Variants in JAK3 observed in about 807,000 individuals in gnomAD.
JAK3 encodes the protein tyrosine-protein kinase JAK3.
In JAK3, 88 loss-of-function variants were observed where a neutral mutation model predicts 120.8. That is an observed-to-expected ratio of 0.73 (90% CI 0.61 to 0.87). The LOEUF (loss-of-function observed/expected upper bound fraction) is 0.87. Ranked by LOEUF, JAK3 falls within the 40% of genes least tolerant of loss-of-function variation. The pLI is 0.00. For synonymous variants in JAK3, 592 were observed against 628.6 expected, an observed-to-expected ratio of 0.94 and a Z score of 0.87; for missense variants, 1,254 against 1,501.4, an observed-to-expected ratio of 0.84 and a Z score of 2.72.
chr19:17,844,342 G>A lies in JAK3; in HGVS notation c.76C>T (p.Leu26=), dbSNP rs750765633. 5 of 1,611,708 alleles carry A rather than the reference G, an allele frequency of 3.1e-6. No individual in the cohort carries two copies. The East Asian group carries it at 1.1e-4, about 36-fold the overall frequency. ...CCCCGAGCGGGCAGCAGCACATGCA[G>A]GGCACCAGCCTCCGTGGACAAGAGG... ...CSLLSTEAGA[L]HVLLPARGPG... The change falls in exon 2 of 24, where the codon CTG becomes TTG. Residue 26 remains leucine (L), a synonymous_variant. Transcript: ENST00000458235.
At chr19:17,827,160 G>A (rs1037495212) in intron 23 of JAK3, among the ~76,000 whole-genome samples, 2 of 151,764 alleles carry the variant, frequency 1.3e-5, no homozygotes, top group African/African-American at 4.8e-5. Context: ...TGTATTTTGA[G>A]TAGAGACAGG....
chr19:17,837,314 C>A, intron 12 of JAK3, 101 bp from the exon 13 acceptor site: 1 of 877,504 alleles, frequency 1.1e-6, no homozygotes, highest in Non-Finnish European at 1.9e-6. Context: ...CACCTGGCCA[C>A]AGGTCACCTT....
Position 17,842,580 on chromosome 19 carries a change from G to A in JAK3, c.597C>T (p.Arg199=), listed in dbSNP as rs2094242550. ...CGAAGCTCAGGCCCTGGATCAGGTC[G>A]CGCAGGCTTGGGGGTAGGCAGGCCT... is the stretch of plus-strand genomic sequence containing the variant. ...SYKACLPPSL[R]DLIQGLSFVT... is the part of the protein sequence containing the mutation. The change falls in exon 6 of 24, where the codon CGC becomes CGT. Residue 199 remains arginine, a synonymous_variant. Coordinates refer to ENST00000458235, the MANE Select transcript of JAK3 (RefSeq NM_000215.4). The surrounding 1 kb of genome is among the most constrained non-coding windows in gnomAD (Gnocchi z 6.4). 3 of 1,585,862 alleles carry A rather than the reference G, an allele frequency of 1.9e-6. No individual in the cohort carries two copies. The highest frequency in any genetic ancestry group is 1.8e-5 in the Admixed American group (1 of 55,986).
At position 17,831,541 on chromosome 19, in the gene JAK3, C is replaced by A; in HGVS notation, c.2805+133G>T. 1 of 1,500,588 alleles carries A rather than the reference C, an allele frequency of 6.7e-7. No homozygotes were observed. 93.0% of individuals were successfully genotyped at this position (1,500,588 alleles called of 1,614,324 possible). On this transcript the variant is annotated intron_variant, in intron 20 of 23. Transcript: ENST00000458235. This position sits in a 1 kb window ranked among gnomAD's most constrained non-coding sequence, Gnocchi z 5.1. ...CCTCCACTGAAGTTCTGATCCTGAGCCCTAAGCCAACCCCACCACTCCCGA... is the reference window on the plus strand; with the variant it reads ...CCTCCACTGAAGTTCTGATCCTGAGACCTAAGCCAACCCCACCACTCCCGA...
Position 17,837,197 on chromosome 19 carries a change from G to T in JAK3, c.1718C>A (p.Ala573Glu). 1 of 1,569,552 alleles carries T rather than the reference G, an allele frequency of 6.4e-7. No homozygotes were observed. Among genetic ancestry groups the T allele is most frequent in the Non-Finnish European group, 8.6e-7 (1 of 1,156,732 alleles). The change falls in exon 13 of 24, where the codon GCG becomes GAG. Residue 573 changes from alanine to glutamate, a missense_variant. This residue lies in a region of JAK3 where 630 missense variants were observed against 819.8 expected (regional missense o/e 0.77). Transcript: ENST00000458235. ...GTACGACACTTGGCTCATCAAGCTC[G>T]CTGCTTCCAGGAATGACTGGGGAAG... ...KNCMESFLEA[A>E]SLMSQVSYRH...
intron 17 of JAK3, among the ~76,000 whole-genome samples, chr19:17,834,292 T>G (rs1475513778): frequency 6.6e-6 from 1 of 151,914 alleles, no homozygotes. Context: ...GAGGTAGAGG[T>G]TGCAGTGAGC....
rs769418887 is a variant in JAK3 at position 17,840,202 on chromosome 19, C to T, written c.1254+28G>A. The T allele has an allele frequency of 2.0e-6, 3 of 1,501,276 alleles. No homozygotes were observed. The South Asian group carries it at 3.4e-5, about 17-fold the overall frequency. 93.0% of individuals were successfully genotyped at this position (1,501,276 alleles called of 1,614,324 possible). A position where few individuals can be genotyped will look rare whatever the true frequency, so the allele number is the denominator to read the frequency against. On this transcript the variant is annotated intron_variant, in intron 9 of 23. Transcript: ENST00000458235. ...AACGTCACCTCCTCCAGGCAGCCCTCCACTACCCACCCTAGCAGTAGACCG... is the reference window on the plus strand; with the variant it reads ...AACGTCACCTCCTCCAGGCAGCCCTTCACTACCCACCCTAGCAGTAGACCG...
At position 17,834,583 on chromosome 19, in the gene JAK3, G is replaced by A. The variant is rs2147681325; in HGVS notation, c.2338C>T (p.Leu780Phe). 2.5e-6 allele frequency: 4 copies of A among 1,612,092 alleles called. No individual in the cohort carries two copies. Among genetic ancestry groups the A allele is most frequent in the Non-Finnish European group, 3.4e-6 (4 of 1,178,618 alleles). The change falls in exon 17 of 24, where the codon CTC becomes TTC. Residue 780 changes from leucine to phenylalanine, a missense_variant. Coordinates refer to ENST00000458235, the MANE Select transcript of JAK3 (RefSeq NM_000215.4). ...FRAVIRDLNSLISSDYELLSD... is the reference protein window; with the variant it reads ...FRAVIRDLNSFISSDYELLSD... Reference sequence around the variant, plus strand: ...TCCCAGCGGGCACCTGAAGAGATGAGGCTATTGAGGTCACGAATGACGGCT... The same window carrying A: ...TCCCAGCGGGCACCTGAAGAGATGAAGCTATTGAGGTCACGAATGACGGCT...
In JAK3 at chr19:17,830,551, G is replaced by A. The variant is rs949721349; in HGVS notation, c.3048C>T (p.Val1016=). 4 of 1,613,694 alleles carry A rather than the reference G, an allele frequency of 2.5e-6. No individual in the cohort carries two copies. In the African/African-American group the frequency reaches 5.3e-5, roughly 22 times the overall value. ...CGCAGTAGGTGAAGAGCTCGTACAG[G>A]ACGACCCCGAAGCTCCAGACGTCTG... ...RQSDVWSFGV[V]LYELFTYCDK... is the part of the protein sequence containing the mutation. Residue 1016 remains valine, a synonymous_variant, in exon 22 of 24, where the codon GTC becomes GTT. Transcript: ENST00000458235.
chr19:17,831,196 A>G lies in JAK3; in HGVS notation c.2978+32T>C, dbSNP rs3212774. On this transcript the variant is annotated intron_variant, in intron 21 of 23. Transcript: ENST00000458235. The surrounding 1 kb of genome is among the most constrained non-coding windows in gnomAD (Gnocchi z 5.1). ...GGGGGCGGAGCCAGAGCCGTGGGGA[A>G]TAGGGGCGGAGCCTAGGCGCGGGTT... The G allele has an allele frequency of 0.34, 539,992 of 1,597,490 alleles. 93,413 individuals are homozygous for G. Among genetic ancestry groups the G allele is most frequent in the Admixed American group, 0.48 (28,304 of 59,150 alleles).
intron 23 of JAK3, among the ~76,000 whole-genome samples, chr19:17,827,837 A>G (rs557646913): frequency 6.8e-6 from 1 of 146,780 alleles, no homozygotes; most frequent in African/African-American, 2.5e-5. Flanking sequence ...GGGAGGCGGA[A>G]GTTGTGGTGA....
chr19:17,840,458 C>T (rs2094235513), intron 8 of JAK3, 117 bp from the exon 9 acceptor site: 2 of 723,284 alleles, frequency 2.8e-6, no homozygotes, highest in East Asian at 2.7e-5. Context: ...TGACACCCTC[C>T]CCCCATTTAT....
intron 13 of JAK3, 141 bp from the exon 14 acceptor site, chr19:17,836,192 T>C: frequency 2.2e-6 from 2 of 916,894 alleles, no homozygotes; most frequent in Non-Finnish European, 1.7e-6. Flanking sequence ...GTTCATACAG[T>C]ACTCACCTCT....
rs915637866 is a variant in JAK3, at chr19:17,832,492, G to A, written c.2680+27C>T. 1 of 1,611,592 alleles carries A rather than the reference G, an allele frequency of 6.2e-7. No homozygotes were observed. Among genetic ancestry groups the A allele is most frequent in the African/African-American group, 1.3e-5 (1 of 74,868 alleles). On this transcript the variant is annotated intron_variant, in intron 19 of 23. Coordinates refer to ENST00000458235, the MANE Select transcript of JAK3 (RefSeq NM_000215.4). The surrounding 1 kb of genome is among the most constrained non-coding windows in gnomAD (Gnocchi z 4.7). The stretch of plus-strand genomic sequence containing the variant: ...ACTTTGAAAAGCACCCATACGTCTT[G>A]GTTCACTCATCCGGGAGCTGGCTCA...
rs2147684071 is a variant in JAK3, at chr19:17,835,907, G to A, written c.1914+17C>T. ...TTCCCTGGGAATGGAGGGTGGAGCA[G>A]GCAGAGGAGCACTCACCAGATAGTT... is the stretch of plus-strand genomic sequence containing the variant. On this transcript the variant is annotated intron_variant, in intron 14 of 23. Transcript: ENST00000458235. The A allele has an allele frequency of 6.2e-7, 1 of 1,613,464 alleles. No homozygotes were observed. Among genetic ancestry groups the A allele is most frequent in the Admixed American group, 1.7e-5 (1 of 60,024 alleles).
chr19:17,827,310 T>C (rs1011115732), intron 23 of JAK3, among the ~76,000 whole-genome samples: 5 of 151,908 alleles, frequency 3.3e-5, no homozygotes, highest in Non-Finnish European at 5.9e-5. Context: ...TTCCATCCCA[T>C]CTCTGCTCCA....
Position 17,839,507 on chromosome 19 carries a change from G to C in JAK3, c.1411C>G (p.Leu471Val). Reference protein sequence around the residue: ...GLHVDGVAVTLTSCCIPRPKE... With the variant: ...GLHVDGVAVTVTSCCIPRPKE... ...GGTCTGGGGATACAGCAGGAAGTGA[G>C]GGTCACTGCCACCCCATCTACGTGC... is the stretch of plus-strand genomic sequence containing the variant. Residue 471 changes from leucine to valine, a missense_variant, in exon 10 of 24, where the codon CTC becomes GTC. By Grantham distance (32) the Leu-to-Val change is conservative (BLOSUM62 1). This residue lies in a region of JAK3 where 486 missense variants were observed against 503.0 expected (regional missense o/e 0.97). Transcript: ENST00000458235. 3 of 1,595,078 alleles carry C rather than the reference G, an allele frequency of 1.9e-6. No homozygotes were observed. The highest frequency in any genetic ancestry group is 2.6e-6 in the Non-Finnish European group (3 of 1,170,440).
rs569240563 is a variant in JAK3, at chr19:17,840,560, A to G, written c.1143-219T>C. On this transcript the variant is annotated intron_variant, in intron 8 of 23. Transcript: ENST00000458235. ...AGGTGGATCACGAGGTCAGGAGATC[A>G]ACACCATCCTGGCTAACACCGTGAA... 6.0e-4 allele frequency among the ~76,000 whole-genome samples: 90 copies of G among 148,940 alleles called. 1 individual carries two copies. The highest frequency in any genetic ancestry group is 2.2e-3 in the African/African-American group (89 of 40,394).
intron 14 of JAK3, 72 bp from the exon 15 acceptor site, chr19:17,835,287 T>C: frequency 6.4e-7 from 1 of 1,563,710 alleles, no homozygotes; most frequent in Non-Finnish European, 8.6e-7. Context: ...CAAACTCCTA[T>C]ACATCCTTCA....
Sources: gnomAD v4.1 joint callset for allele counts (sites outside exome capture counted in the v4.1 genomes callset) on GRCh38, gnomAD v4.1.1 for gene constraint, gnomAD v4.1.1 regional missense constraint, Gnocchi (gnomAD v3.1) non-coding constraint, MANE v1.5 for transcripts, NCBI Gene and HGNC (gene_info 2026-07-23, HGNC 2026-07-21) for gene names.